CFAP47: variants seen among roughly 807,000 people sequenced by gnomAD.
The protein encoded by CFAP47 is cilia- and flagella-associated protein 47.
A neutral mutation model predicts 148.1 loss-of-function variants in CFAP47; 29 were observed. The ratio of observed to expected loss-of-function variants is 0.20; its 90% confidence interval spans 0.15 to 0.27. The LOEUF is 0.27. Among genes scored for constraint, CFAP47 ranks in the 10% least tolerant of loss-of-function variants. CFAP47 has a pLI of 1.00. For missense variants in CFAP47, 1,872 were observed against 1,697.5 expected (o/e 1.10, Z -1.81); for synonymous variants, 664 against 577.3 (o/e 1.15, Z -2.15).
intron 1 of CFAP47, among the ~76,000 whole-genome samples, chrX:35,921,584 G>A (rs763489804): frequency 9.0e-6 from 1 of 111,539 alleles, no homozygotes; most frequent in African/African-American, 3.3e-5. Flanking sequence ...ATTATAATTG[G>A]TTTTATTTCA....
In CFAP47 at chrX:36,371,799, CACACATGTATATAT is replaced by C. The variant is rs1172061313; in HGVS notation, c.9185+4673_9185+4686del. On this transcript the variant is annotated intron_variant, in intron 62 of 63. Coordinates refer to ENST00000378653, the MANE Select transcript of CFAP47 (RefSeq NM_001304548.2). ...ACATGTGTATATATGTGTGTATATA[CACACATGTATATAT>C]GTGTGCATATACACACATGTGTGTA... Among the ~76,000 whole-genome samples the C allele has an allele frequency of 1.0e-4, 5 of 49,731 alleles. 1 individual carries two copies. The highest frequency in any genetic ancestry group is 9.9e-4 in the African/African-American group (5 of 5,026). The allele number at this position is 49,731 out of a possible 115,157, so 43.2% of individuals were successfully genotyped here.
intron 35 of CFAP47, chrX:36,144,773 G>A (rs771843781): frequency 9.7e-7 from 1 of 1,026,373 alleles, no homozygotes; most frequent in Non-Finnish European, 1.3e-6. Flanking sequence ...TTTGGAGCAG[G>A]ATGCATTTTT....
chrX:36,230,510 G>A (rs1352235499), intron 46 of CFAP47, among the ~76,000 whole-genome samples: 6 of 100,938 alleles, frequency 5.9e-5, no homozygotes, highest in Admixed American at 1.1e-4. Context: ...CTGGATATTA[G>A]CCCTTTGTCA....
intron 16 of CFAP47, chrX:35,989,877 A>G (rs1191223108): frequency 7.4e-6 from 1 of 134,796 alleles, no homozygotes; most frequent in Admixed American, 8.2e-5. Flanking sequence ...CTATATTTCT[A>G]GGACATGATG....
chrX:35,955,910 C>T (rs746078040), intron 7 of CFAP47, 51 bp from the exon 8 acceptor site: 18 of 1,187,762 alleles, frequency 1.5e-5, no homozygotes, highest in East Asian at 3.0e-5. Context: ...CAAATATATT[C>T]TGGATTCCCC....
intron 21 of CFAP47, among the ~76,000 whole-genome samples, chrX:36,005,790 A>G (rs975048487): frequency 1.0e-3 from 112 of 111,408 alleles, no homozygotes; most frequent in Non-Finnish European, 2.0e-3. Context: ...AAAACCCTCT[A>G]AATAAAAAGA....
intron 2 of CFAP47, among the ~76,000 whole-genome samples, chrX:35,940,892 T>C (rs1396104792): frequency 9.0e-6 from 1 of 111,589 alleles, no homozygotes; most frequent in Non-Finnish European, 1.9e-5. Flanking sequence ...TTTTTAGAAA[T>C]ACATATGGAA....
intron 35 of CFAP47, among the ~76,000 whole-genome samples, chrX:36,144,121 T>C (rs1261570878): frequency 8.9e-6 from 1 of 112,337 alleles, no homozygotes; most frequent in Non-Finnish European, 1.9e-5. Flanking sequence ...CAAATACATA[T>C]TTGAAGTTCA....
chrX:36,107,457 A>G (rs1938484816), intron 33 of CFAP47, among the ~76,000 whole-genome samples: 1 of 112,668 alleles, frequency 8.9e-6, no homozygotes. Context: ...GAAGGTGCTG[A>G]ATAAATATCT....
intron 15 of CFAP47, among the ~76,000 whole-genome samples, chrX:35,983,189 T>C (rs1412898632): frequency 9.0e-6 from 1 of 111,728 alleles, no homozygotes; most frequent in African/African-American, 3.3e-5. Flanking sequence ...TATTTCCAGG[T>C]GTTTTATTCC....
chrX:36,282,621 T>A (rs1004381019), intron 50 of CFAP47, among the ~76,000 whole-genome samples: 3 of 111,576 alleles, frequency 2.7e-5, no homozygotes, highest in African/African-American at 6.5e-5. Context: ...AGTGTATTTA[T>A]TTTCAATTAG....
At chrX:36,353,794 A>G in intron 60 of CFAP47, 113 bp downstream of exon 60, 1 of 538,997 alleles carries the variant, frequency 1.9e-6, no homozygotes, top group South Asian at 3.4e-5. Flanking sequence ...TTTACTTTTC[A>G]TTTCACTACT....
chrX:36,341,362 T>C (rs1407170739), intron 57 of CFAP47, among the ~76,000 whole-genome samples: 1 of 111,546 alleles, frequency 9.0e-6, no homozygotes, highest in African/African-American at 3.3e-5. Flanking sequence ...TAGTGTCTCT[T>C]GGATTATCTG....
At chrX:36,332,451 A>G (rs1410640852) in intron 57 of CFAP47, among the ~76,000 whole-genome samples, 1 of 111,902 alleles carries the variant, frequency 8.9e-6, no homozygotes, top group Non-Finnish European at 1.9e-5. Context: ...GTCAAAATTA[A>G]TTCTTACAGA....
At position 36,073,987 on chromosome X, in the gene CFAP47, C is replaced by T. The variant is rs759076745; in HGVS notation, c.4691+623C>T. Among the ~76,000 whole-genome samples the T allele has an allele frequency of 8.6e-4, 96 of 111,916 alleles. 1 individual carries two copies. Among genetic ancestry groups the T allele is most frequent in the Non-Finnish European group, 1.6e-3 (83 of 53,128 alleles). ...GCAATGAGGTAACTTGCTGCAACCA[C>T]GGCAGGGAGTACAGTACTCATAGCT... On this transcript the variant is annotated intron_variant, in intron 29 of 63. Coordinates refer to ENST00000378653, the MANE Select transcript of CFAP47 (RefSeq NM_001304548.2).
At chrX:36,142,580 C>A in intron 35 of CFAP47, among the ~76,000 whole-genome samples, 1 of 111,250 alleles carries the variant, frequency 9.0e-6, no homozygotes. Context: ...CTAAGGTTGA[C>A]AAAAGTCTGA....
At chrX:36,058,152 G>C (rs932208437) in intron 26 of CFAP47, among the ~76,000 whole-genome samples, 1 of 111,645 alleles carries the variant, frequency 9.0e-6, no homozygotes. Context: ...GAAGAGCTGT[G>C]ATCTCATTCT....
chrX:36,054,588 C>A (rs1267479321), intron 26 of CFAP47, among the ~76,000 whole-genome samples: 1 of 110,927 alleles, frequency 9.0e-6, no homozygotes, highest in Non-Finnish European at 1.9e-5. Context: ...ATCTATTTAA[C>A]ATTTACCTTT....
chrX:36,169,282 G>A (rs1250807689), intron 39 of CFAP47, among the ~76,000 whole-genome samples: 1 of 110,129 alleles, frequency 9.1e-6, no homozygotes, highest in Non-Finnish European at 1.9e-5. Flanking sequence ...AGTGTTCTTT[G>A]TGCTTCTTGG....
Sources: allele counts gnomAD v4.1 joint callset (sites outside exome capture counted in the v4.1 genomes callset), GRCh38; gene constraint gnomAD v4.1.1; transcripts MANE v1.5; gene names NCBI Gene and HGNC (gene_info 2026-07-23, HGNC 2026-07-21).